The following FAM81B variants were observed in gnomAD, a reference collection of about 807,000 sequenced individuals.
The protein encoded by FAM81B is protein FAM81B.
In FAM81B, 60 loss-of-function variants were observed where a neutral mutation model predicts 58.7. The ratio of observed to expected loss-of-function variants is 1.02; its 90% CI spans 0.83 to 1.27. FAM81B has a LOEUF of 1.27. Ranked by LOEUF, FAM81B falls within the 50% of genes most tolerant of loss-of-function variation. The pLI, the probability that FAM81B is intolerant of heterozygous loss-of-function variation, is 0.00. For missense variants in FAM81B, 491 were observed against 522.0 expected (o/e 0.94, Z 0.58); for synonymous variants, 189 against 179.6 (o/e 1.05, Z -0.42).
intron 2 of FAM81B, 51 bp from the exon 3 acceptor site, chr5:95,396,060 A>G: frequency 7.3e-7 from 1 of 1,368,082 alleles, no homozygotes; most frequent in Non-Finnish European, 1.0e-6. Flanking sequence ...GCATAGAAGT[A>G]ATCTGTAAAG....
Position 95,431,346 on chromosome 5 carries a change from T to C in FAM81B, c.786+2614T>C, listed in dbSNP as rs548078929. Among the ~76,000 whole-genome samples the C allele has an allele frequency of 3.9e-5, 6 of 152,212 alleles. No individual in the cohort carries two copies. In the East Asian group the frequency reaches 1.2e-3, roughly 29 times the overall value. Reference sequence around the variant, plus strand: ...TTTGTAGTTTTCCTAATATGTGTCTTAACTACTGTTTTAATTATTGAATCT... The same window carrying C: ...TTTGTAGTTTTCCTAATATGTGTCTCAACTACTGTTTTAATTATTGAATCT... On this transcript the variant is annotated intron_variant, in intron 6 of 9. Transcript: ENST00000283357.
intron 8 of FAM81B, among the ~76,000 whole-genome samples, chr5:95,447,559 T>A (rs1040610071): frequency 6.6e-6 from 1 of 152,130 alleles, no homozygotes; most frequent in Non-Finnish European, 1.5e-5. Context: ...TAGGTAACCG[T>A]GGGGTCATTG....
intron 9 of FAM81B, 24 bp from the exon 10 acceptor site, chr5:95,450,125 A>G: frequency 6.3e-7 from 1 of 1,594,604 alleles, no homozygotes; most frequent in Non-Finnish European, 8.5e-7. Flanking sequence ...GTTTAAGTGT[A>G]CCTATTCTTT....
At chr5:95,443,099 T>G (rs1203825816) in intron 7 of FAM81B, among the ~76,000 whole-genome samples, 3 of 152,134 alleles carry the variant, frequency 2.0e-5, no homozygotes, top group Admixed American at 2.0e-4. Context: ...AGACATTGGT[T>G]TTGGGACATA....
chr5:95,406,669 C>G (rs1054537386), intron 3 of FAM81B, among the ~76,000 whole-genome samples: 1 of 152,122 alleles, frequency 6.6e-6, no homozygotes, highest in Non-Finnish European at 1.5e-5. Context: ...ACAGCACCAC[C>G]CACACACGCA....
At chr5:95,436,004 T>C (rs1745084916) in intron 6 of FAM81B, among the ~76,000 whole-genome samples, 1 of 152,146 alleles carries the variant, frequency 6.6e-6, no homozygotes, top group Non-Finnish European at 1.5e-5. Flanking sequence ...AAATGCCCAC[T>C]CTCCTCCATA....
At chr5:95,432,272 G>A (rs535400053) in intron 6 of FAM81B, among the ~76,000 whole-genome samples, 1 of 152,140 alleles carries the variant, frequency 6.6e-6, no homozygotes, top group South Asian at 2.1e-4. Context: ...TTGTTGTGGT[G>A]CAGGATAATG....
At chr5:95,443,912 G>A (rs1484298715) in intron 7 of FAM81B, among the ~76,000 whole-genome samples, 1 of 152,100 alleles carries the variant, frequency 6.6e-6, no homozygotes, top group Admixed American at 6.5e-5. Flanking sequence ...GTTTTCAGAG[G>A]GATGTTAATA....
At chr5:95,416,043 A>C (rs2152763966) in intron 4 of FAM81B, among the ~76,000 whole-genome samples, 1 of 152,342 alleles carries the variant, frequency 6.6e-6, no homozygotes, top group Non-Finnish European at 1.5e-5. Flanking sequence ...AATCCTATTA[A>C]GGGTTTGGCA....
chr5:95,397,311 T>TA (rs1361233739), intron 3 of FAM81B, among the ~76,000 whole-genome samples: 2 of 152,190 alleles, frequency 1.3e-5, no homozygotes, highest in Non-Finnish European at 2.9e-5. Context: ...TTTAAATGTT[T>TA]AAAAAATGCA....
At chr5:95,434,562 C>A (rs1745026115) in intron 6 of FAM81B, among the ~76,000 whole-genome samples, 1 of 152,212 alleles carries the variant, frequency 6.6e-6, no homozygotes, top group African/African-American at 2.4e-5. Flanking sequence ...CTGCAAATCC[C>A]TTTTGCTCTA....
chr5:95,392,824 C>CTGCG lies in FAM81B; in HGVS notation c.156_159dup (p.Thr54CysfsTer9). On this transcript the variant is annotated frameshift_variant, in exon 2 of 10. Coordinates refer to ENST00000283357, the MANE Select transcript of FAM81B (RefSeq NM_152548.3). LOFTEE classifies it high-confidence loss of function. The stretch of plus-strand genomic sequence containing the variant: ...AATGTAAACAAAAGTGCCTCTCCAA[C>CTGCG]TGCGACTGCAGAGGAACAGCCAGTT... 1.9e-6 allele frequency: 3 copies of CTGCG among 1,612,098 alleles called. No individual in the cohort carries two copies. Among genetic ancestry groups the CTGCG allele is most frequent in the Non-Finnish European group, 2.5e-6 (3 of 1,179,062 alleles).
chr5:95,411,855 T>G (rs1762413229), intron 3 of FAM81B, among the ~76,000 whole-genome samples: 1 of 152,238 alleles, frequency 6.6e-6, no homozygotes, highest in Non-Finnish European at 1.5e-5. Flanking sequence ...TGGAGTCAAA[T>G]TGACAAAATA....
chr5:95,424,013 G>A (rs17084706), intron 5 of FAM81B: 68,460 of 1,288,786 alleles, frequency 0.053, 2,970 homozygotes, highest in African/African-American at 0.22. Flanking sequence ...GTATAGCCAA[G>A]GATGCAACCG....
At chr5:95,398,533 G>A (rs1416061806) in intron 3 of FAM81B, among the ~76,000 whole-genome samples, 1 of 152,156 alleles carries the variant, frequency 6.6e-6, no homozygotes, top group Non-Finnish European at 1.5e-5. Context: ...TTAAGTAAAA[G>A]TCATTATCAA....
At chr5:95,429,588 C>A (rs978053613) in intron 6 of FAM81B, among the ~76,000 whole-genome samples, 12 of 152,158 alleles carry the variant, frequency 7.9e-5, no homozygotes, top group Admixed American at 6.5e-4. Context: ...TCCTTATCTA[C>A]CTCCTACTCA....
chr5:95,425,037 A>G (rs936767211), intron 5 of FAM81B, among the ~76,000 whole-genome samples: 1 of 152,052 alleles, frequency 6.6e-6, no homozygotes, highest in African/African-American at 2.4e-5. Flanking sequence ...AACATGAGTA[A>G]ACCACACCAA....
At chr5:95,400,437 C>CAT (rs35225220) in intron 3 of FAM81B, among the ~76,000 whole-genome samples, 12 of 94,374 alleles carry the variant, frequency 1.3e-4, no homozygotes, top group South Asian at 4.1e-4. Context: ...CATACATACA[C>CAT]ACACACACAC....
At chr5:95,438,101 C>T (rs1028677345) in intron 7 of FAM81B, among the ~76,000 whole-genome samples, 1 of 152,088 alleles carries the variant, frequency 6.6e-6, no homozygotes, top group African/African-American at 2.4e-5. Context: ...TTTGGAGATG[C>T]TAAAATGCGA....
Sources: gnomAD v4.1 joint callset for allele counts (sites outside exome capture counted in the v4.1 genomes callset) on GRCh38, gnomAD v4.1.1 for gene constraint, MANE v1.5 for transcripts, NCBI Gene and HGNC (gene_info 2026-07-23, HGNC 2026-07-21) for gene names.